The following MCF2L2 variants were observed in gnomAD, a reference collection of about 807,000 sequenced individuals.
The protein encoded by MCF2L2 is MCF.2 cell line derived transforming sequence-like 2.
MCF2L2 carries 102 observed loss-of-function variants against 150.2 expected under a neutral mutation model. The observed-to-expected ratio is 0.68, with a 90% CI of 0.58 to 0.80. The LOEUF (loss-of-function observed/expected upper bound fraction) is 0.80. Among genes scored for constraint, MCF2L2 ranks in the 30% least tolerant of loss-of-function variants. The pLI is 0.00. For missense variants in MCF2L2, 1,256 were observed against 1,372.8 expected, an observed-to-expected ratio of 0.91 and a Z score of 1.34; for synonymous variants, 465 against 491.3, an observed-to-expected ratio of 0.95 and a Z score of 0.71.
At chr3:183,240,292 T>C (rs1723950756) in intron 15 of MCF2L2, among the ~76,000 whole-genome samples, 1 of 152,224 alleles carries the variant, frequency 6.6e-6, no homozygotes, top group Admixed American at 6.5e-5. Flanking sequence ...TGCAATGGCA[T>C]GATCTCGGCT....
chr3:183,328,587 C>T (rs1332322049), intron 5 of MCF2L2, among the ~76,000 whole-genome samples: 1 of 150,918 alleles, frequency 6.6e-6, no homozygotes, highest in Non-Finnish European at 1.5e-5. Context: ...AAAGTGTTTT[C>T]TCAGAGAAAT....
rs142078913 is a variant in MCF2L2, at chr3:183,394,486, G to C, written c.77-4707C>G. Among the ~76,000 whole-genome samples, 33 of 152,336 alleles carry C rather than the reference G, an allele frequency of 2.2e-4. No individual in the cohort carries two copies. In the East Asian group the frequency reaches 6.4e-3, roughly 29 times the overall value. On this transcript the variant is annotated intron_variant, in intron 1 of 29. Transcript: ENST00000328913. ...AGAGGCTCAGAGACACCAGTTGCCG[G>C]GCTGGTACAAAAAGCCAGCCCATGG... is the stretch of plus-strand genomic sequence containing the variant.
At chr3:183,293,888 A>C (rs893448765) in intron 13 of MCF2L2, among the ~76,000 whole-genome samples, 1 of 152,202 alleles carries the variant, frequency 6.6e-6, no homozygotes, top group Non-Finnish European at 1.5e-5. Flanking sequence ...TTAAATGCCT[A>C]AGGCCTTTAC....
chr3:183,379,431 TCAAAATGTTAG>T lies in MCF2L2; in HGVS notation c.161-31_161-21del, dbSNP rs1310771705. 2 of 1,566,564 alleles carry T rather than the reference TCAAAATGTTAG, an allele frequency of 1.3e-6. No homozygotes were observed. Among genetic ancestry groups the T allele is most frequent in the Non-Finnish European group, 1.8e-6 (2 of 1,140,884 alleles). Reference sequence around the variant, plus strand: ...GGCCTCCTGCAACAAAAACAGGTGGTCAAAATGTTAGCAAAATGTTGTCCTGTCACACCTCT... The same window carrying T: ...GGCCTCCTGCAACAAAAACAGGTGGTCAAAATGTTGTCCTGTCACACCTCT... On this transcript the variant is annotated intron_variant, in intron 2 of 29. Coordinates refer to ENST00000328913, the MANE Select transcript of MCF2L2 (RefSeq NM_015078.4).
rs765491438 is a variant in MCF2L2, at chr3:183,228,342, C to G, written c.2070G>C (p.Lys690Asn). Residue 690 changes from lysine to asparagine, a missense_variant, in exon 18 of 30, where the codon AAG (lysine) becomes AAC (asparagine). Lys to Asn is a moderately conservative substitution (Grantham distance 94). Coordinates refer to ENST00000328913, the MANE Select transcript of MCF2L2 (RefSeq NM_015078.4). ...CCAGAAGTTCAGGGTTCTCAGCACA[C>G]TTTTCCAACTCTTTTAGAAAAGTCC... is the stretch of plus-strand genomic sequence containing the variant. Reference protein sequence around the residue: ...HNRTFLKELEKCAENPELLAH... With the variant: ...HNRTFLKELENCAENPELLAH... 1 of 1,613,244 alleles carries G rather than the reference C, an allele frequency of 6.2e-7. No homozygotes were observed. Among genetic ancestry groups the G allele is most frequent in the Non-Finnish European group, 8.5e-7 (1 of 1,179,390 alleles).
chr3:183,193,382 G>A (rs368816549), intron 26 of MCF2L2, among the ~76,000 whole-genome samples: 15 of 146,522 alleles, frequency 1.0e-4, no homozygotes, highest in African/African-American at 3.6e-4. Flanking sequence ...ACAGAGTCTC[G>A]CTCTGTTGCC....
chr3:183,400,570 C>T, intron 1 of MCF2L2: 1 of 422,858 alleles, frequency 2.4e-6, no homozygotes, highest in South Asian at 1.7e-5. Flanking sequence ...AATGTTCAAT[C>T]CTTTCTCCCG....
chr3:183,294,875 G>A (rs1411915332), intron 13 of MCF2L2, among the ~76,000 whole-genome samples: 1 of 151,990 alleles, frequency 6.6e-6, no homozygotes, highest in East Asian at 1.9e-4. Flanking sequence ...TGATCTGCCC[G>A]CCTCAGGCTC....
At chr3:183,247,934 CA>C (rs1441789550) in intron 15 of MCF2L2, among the ~76,000 whole-genome samples, 1 of 152,026 alleles carries the variant, frequency 6.6e-6, no homozygotes. Context: ...GAAAACAAAA[CA>C]AAAGGAAATC....
At chr3:183,380,080 C>G (rs1019659879) in intron 2 of MCF2L2, among the ~76,000 whole-genome samples, 5 of 152,132 alleles carry the variant, frequency 3.3e-5, no homozygotes, top group Admixed American at 2.0e-4. Flanking sequence ...CAATAATCAG[C>G]TTCCCTTCAA....
chr3:183,292,487 A>G (rs1414371875), intron 13 of MCF2L2, among the ~76,000 whole-genome samples: 7 of 152,118 alleles, frequency 4.6e-5, no homozygotes, highest in Non-Finnish European at 1.0e-4. Context: ...AAGAGAAATG[A>G]CACAAGATAG....
intron 3 of MCF2L2, among the ~76,000 whole-genome samples, chr3:183,367,373 C>T (rs1337966183): frequency 1.3e-5 from 2 of 151,744 alleles, no homozygotes; most frequent in African/African-American, 4.9e-5. Context: ...ATTACAGGCA[C>T]CTGCCACCAC....
chr3:183,317,976 C>T (rs1196384327), intron 7 of MCF2L2, 92 bp downstream of exon 7: 2 of 1,479,170 alleles, frequency 1.4e-6, no homozygotes, highest in African/African-American at 2.8e-5. Context: ...AAAACGAGGG[C>T]TTAACTGTTA....
chr3:183,213,585 A>T (rs1722813150), intron 22 of MCF2L2, among the ~76,000 whole-genome samples: 1 of 152,202 alleles, frequency 6.6e-6, no homozygotes. Flanking sequence ...AGGTGATCAT[A>T]AACACCTGTA....
intron 1 of MCF2L2, among the ~76,000 whole-genome samples, chr3:183,420,049 A>C (rs1361151627): frequency 1.3e-5 from 2 of 152,188 alleles, no homozygotes; most frequent in African/African-American, 4.8e-5. Flanking sequence ...TAAGTTCCTC[A>C]TCTCCATCTG....
chr3:183,283,307 T>C lies in MCF2L2; in HGVS notation c.1776+5813A>G, dbSNP rs1727607730. 6.6e-6 allele frequency among the ~76,000 whole-genome samples: 1 copy of C among 152,192 alleles called. No individual in the cohort carries two copies. Among genetic ancestry groups the C allele is most frequent in the African/African-American group, 2.4e-5 (1 of 41,444 alleles). Reference sequence around the variant, plus strand: ...GCCTGCCTTCATCTAACCTGCTCTTTACTGTCTACCAGAGTCAGCTTCGTA... The same window carrying C: ...GCCTGCCTTCATCTAACCTGCTCTTCACTGTCTACCAGAGTCAGCTTCGTA... On this transcript the variant is annotated intron_variant, in intron 14 of 29. Transcript: ENST00000328913. The surrounding 1 kb of genome is among the most constrained non-coding windows in gnomAD (Gnocchi z 4.2).
chr3:183,279,028 A>G (rs1205004947), intron 14 of MCF2L2, among the ~76,000 whole-genome samples: 1 of 152,196 alleles, frequency 6.6e-6, no homozygotes, highest in East Asian at 1.9e-4. Context: ...AGAAGGACCC[A>G]CAGCAGATCC....
chr3:183,356,141 G>T (rs573615665), intron 3 of MCF2L2, among the ~76,000 whole-genome samples: 1 of 144,102 alleles, frequency 6.9e-6, no homozygotes, highest in South Asian at 2.2e-4. Context: ...AATACAAAGA[G>T]CAGGTCTTTC....
intron 15 of MCF2L2, among the ~76,000 whole-genome samples, chr3:183,239,219 A>G (rs1723893175): frequency 6.6e-6 from 1 of 152,102 alleles, no homozygotes; most frequent in African/African-American, 2.4e-5. Flanking sequence ...AGCCTGCACT[A>G]ATGTACTCTG....
Sources: allele counts gnomAD v4.1 joint callset (sites outside exome capture counted in the v4.1 genomes callset), GRCh38; gene constraint gnomAD v4.1.1; non-coding constraint Gnocchi (gnomAD v3.1); transcripts MANE v1.5; gene names NCBI Gene and HGNC (gene_info 2026-07-23, HGNC 2026-07-21).